The following GABRG3 variants were observed in gnomAD, a reference collection of about 807,000 sequenced individuals.
GABRG3 encodes gamma-aminobutyric acid type A receptor subunit gamma3, also known as gamma-aminobutyric acid receptor subunit gamma-3.
A neutral mutation model predicts 48.8 loss-of-function variants in GABRG3; 25 were observed. That is an observed-to-expected ratio of 0.51 (90% CI 0.37 to 0.72). The LOEUF (loss-of-function observed/expected upper bound fraction) is 0.72. Ranked by LOEUF, GABRG3 falls within the 30% of genes least tolerant of loss-of-function variation. GABRG3 has a pLI of 0.00. For missense variants in GABRG3, 394 were observed against 577.9 expected (o/e 0.68, Z 3.26); for synonymous variants, 227 against 217.6 (o/e 1.04, Z -0.38).
At position 27,179,529 on chromosome 15, in the gene GABRG3, C is replaced by T. The variant is rs1887856792; in HGVS notation, c.271-147280C>T. 6.6e-6 allele frequency among the ~76,000 whole-genome samples: 1 copy of T among 152,092 alleles called. No individual in the cohort carries two copies. Among genetic ancestry groups the T allele is most frequent in the South Asian group, 2.1e-4 (1 of 4,818 alleles). ...GGCTCTGAGAAATTTATCATTTTCC[C>T]CATTGGTAGAGTATGAAAACTTTAA... On this transcript the variant is annotated intron_variant, in intron 3 of 9. Transcript: ENST00000615808. This position sits in a 1 kb window ranked among gnomAD's most constrained non-coding sequence, Gnocchi z 4.0.
intron 3 of GABRG3, among the ~76,000 whole-genome samples, chr15:27,190,370 T>C (rs1223618016): frequency 6.6e-6 from 1 of 152,240 alleles, no homozygotes; most frequent in Non-Finnish European, 1.5e-5. Flanking sequence ...CTCTTTTTGG[T>C]TGGTAAGCTA....
chr15:27,510,933 G>T (rs889337373), intron 6 of GABRG3, among the ~76,000 whole-genome samples: 2 of 152,062 alleles, frequency 1.3e-5, no homozygotes, highest in African/African-American at 2.4e-5. Flanking sequence ...AAAAGTGAAT[G>T]GTAAGGATGT....
chr15:27,131,424 C>G (rs1897914714), intron 3 of GABRG3, among the ~76,000 whole-genome samples: 1 of 151,808 alleles, frequency 6.6e-6, no homozygotes, highest in Non-Finnish European at 1.5e-5. Flanking sequence ...ATGTGTTGCT[C>G]AATTCTGTTT....
intron 3 of GABRG3, among the ~76,000 whole-genome samples, chr15:27,045,587 A>G (rs11638213): frequency 0.47 from 71,437 of 152,030 alleles, 17,233 homozygotes; most frequent in South Asian, 0.57. Context: ...AATCTGCTGC[A>G]ATTGCTGGGC....
At chr15:27,147,536 T>C (rs1409630400) in intron 3 of GABRG3, among the ~76,000 whole-genome samples, 1 of 152,044 alleles carries the variant, frequency 6.6e-6, no homozygotes, top group Non-Finnish European at 1.5e-5. Context: ...TTCTCCTTTA[T>C]TCTCTGGGTG....
intron 2 of GABRG3, among the ~76,000 whole-genome samples, chr15:27,019,260 C>T (rs188429817): frequency 1.4e-4 from 21 of 151,748 alleles, no homozygotes; most frequent in Admixed American, 9.8e-4. Flanking sequence ...TTAGTAGAGA[C>T]GGGGTTTCAC....
At position 27,257,814 on chromosome 15, in the gene GABRG3, A is replaced by ATT. The variant is rs60790753; in HGVS notation, c.271-68982_271-68981dup. On this transcript the variant is annotated intron_variant, in intron 3 of 9. Transcript: ENST00000615808. ...TGTGCATGCACCACCACACGTGGCTATTTTTTTTTTTTTTAACTTTTTATA... is the reference window on the plus strand; with the variant it reads ...TGTGCATGCACCACCACACGTGGCTATTTTTTTTTTTTTTTTAACTTTTTATA... 5.9e-3 allele frequency among the ~76,000 whole-genome samples: 838 copies of ATT among 142,872 alleles called. 24 individuals carry two copies. The East Asian group carries it at 0.074, about 13-fold the overall frequency. 93.7% of individuals were successfully genotyped at this position (142,872 alleles called of 152,430 possible). A position where few individuals can be genotyped will look rare whatever the true frequency, so the allele number is the denominator to read the frequency against.
chr15:27,278,394 C>G (rs1030130758), intron 3 of GABRG3, among the ~76,000 whole-genome samples: 1 of 152,078 alleles, frequency 6.6e-6, no homozygotes, highest in South Asian at 2.1e-4. Context: ...ACCACCACTA[C>G]AGAGGAGACA....
At chr15:27,401,678 A>G (rs531989838) in intron 5 of GABRG3, among the ~76,000 whole-genome samples, 11 of 152,240 alleles carry the variant, frequency 7.2e-5, no homozygotes, top group Non-Finnish European at 1.3e-4. Flanking sequence ...TCGCGACCAT[A>G]GTTAGATTGT....
chr15:27,510,499 G>A (rs1016332694), intron 6 of GABRG3, among the ~76,000 whole-genome samples: 6 of 152,162 alleles, frequency 3.9e-5, no homozygotes, highest in African/African-American at 7.2e-5. Flanking sequence ...TGATGTGGAC[G>A]TGGGTGGAGT....
At chr15:27,044,482 A>T (rs74006552) in intron 3 of GABRG3, among the ~76,000 whole-genome samples, 1,771 of 152,376 alleles carry the variant, frequency 0.012, 30 homozygotes, top group African/African-American at 0.04. Context: ...CACATTTTGA[A>T]ATCAAATGTT....
intron 5 of GABRG3, among the ~76,000 whole-genome samples, chr15:27,461,509 T>G (rs1889446041): frequency 6.6e-6 from 1 of 152,128 alleles, no homozygotes; most frequent in African/African-American, 2.4e-5. Context: ...CAGCAAGAGT[T>G]ATTGCGAAGA....
intron 5 of GABRG3, among the ~76,000 whole-genome samples, chr15:27,336,237 G>GAAAGAA (rs1185008383): frequency 1.5e-4 from 21 of 143,406 alleles, no homozygotes; most frequent in African/African-American, 3.6e-4. Context: ...AGAGAGAGGA[G>GAAAGAA]AAGAAAAGAA....
intron 5 of GABRG3, among the ~76,000 whole-genome samples, chr15:27,411,007 G>A (rs1887780994): frequency 6.6e-6 from 1 of 152,026 alleles, no homozygotes; most frequent in Non-Finnish European, 1.5e-5. Flanking sequence ...GACCATTTGT[G>A]CCTTTTCTGG....
At chr15:27,102,536 G>A (rs751667477) in intron 3 of GABRG3, among the ~76,000 whole-genome samples, 1 of 152,156 alleles carries the variant, frequency 6.6e-6, no homozygotes, top group African/African-American at 2.4e-5. Flanking sequence ...CTGGGTGAGA[G>A]GATTTTCTAT....
intron 6 of GABRG3, among the ~76,000 whole-genome samples, chr15:27,508,978 T>C (rs199660878): frequency 1.3e-5 from 2 of 152,042 alleles, no homozygotes; most frequent in African/African-American, 2.4e-5. Context: ...CTTGGCCTCC[T>C]AAAGTGCTGG....
intron 9 of GABRG3, among the ~76,000 whole-genome samples, chr15:27,531,245 C>T (rs1197212472): frequency 1.3e-5 from 2 of 152,194 alleles, no homozygotes; most frequent in Admixed American, 1.3e-4. Context: ...GGTCTGTCCT[C>T]ACACACAGAT....
At position 27,329,246 on chromosome 15, in the gene GABRG3, T is replaced by A. The variant is rs187665145; in HGVS notation, c.574+358T>A. On this transcript the variant is annotated intron_variant, in intron 5 of 9. Coordinates refer to ENST00000615808, the MANE Select transcript of GABRG3 (RefSeq NM_033223.5). ...ATTTTAGATTTAACATTATCTTTTTTAAATTTATTTTTAATTTTTATTTAT... is the reference window on the plus strand; with the variant it reads ...ATTTTAGATTTAACATTATCTTTTTAAAATTTATTTTTAATTTTTATTTAT... Among the ~76,000 whole-genome samples the A allele has an allele frequency of 1.1e-3, 163 of 152,346 alleles. 1 individual carries two copies. The highest frequency in any genetic ancestry group is 3.8e-3 in the African/African-American group (158 of 41,588).
chr15:27,170,622 T>G (rs1887536512), intron 3 of GABRG3, among the ~76,000 whole-genome samples: 1 of 152,164 alleles, frequency 6.6e-6, no homozygotes, highest in South Asian at 2.1e-4. Context: ...ATATCAAGTG[T>G]GAACAGACCA....
Sources: allele counts gnomAD v4.1 joint callset (sites outside exome capture counted in the v4.1 genomes callset), GRCh38; gene constraint gnomAD v4.1.1; non-coding constraint Gnocchi (gnomAD v3.1); transcripts MANE v1.5; gene names NCBI Gene and HGNC (gene_info 2026-07-23, HGNC 2026-07-21).